DNAI7: variants seen among roughly 807,000 people sequenced by gnomAD.
DNAI7 encodes the protein cancer susceptibility 1.
Under a neutral mutation model 86.6 loss-of-function variants are expected in DNAI7, and 78 were observed. That is an observed-to-expected ratio of 0.90 (90% CI 0.75 to 1.09). The LOEUF (loss-of-function observed/expected upper bound fraction) is 1.09, where lower values mean the gene tolerates loss of function less well. Among genes scored for constraint, DNAI7 ranks in the 50% least tolerant of loss-of-function variants. The probability of loss-of-function intolerance (pLI) is 0.00; values close to 1 mark genes in which losing one functional copy is unlikely to be tolerated. For missense variants in DNAI7, 753 were observed against 810.2 expected (o/e 0.93, Z 0.86); for synonymous variants, 274 against 273.0 (o/e 1.00, Z -0.04).
intron 13 of DNAI7, among the ~76,000 whole-genome samples, chr12:25,113,387 C>T (rs565582005): frequency 2.0e-5 from 3 of 152,180 alleles, no homozygotes; most frequent in East Asian, 1.9e-4. Context: ...CTGCAACCTC[C>T]GCCTCCCGGG....
intron 9 of DNAI7, among the ~76,000 whole-genome samples, chr12:25,126,924 C>T (rs759792979): frequency 2.0e-5 from 3 of 152,190 alleles, no homozygotes; most frequent in Non-Finnish European, 2.9e-5. Flanking sequence ...GGAATTCAGA[C>T]TTTCTCAACA....
chr12:25,119,079 TTC>T (rs1333180732), intron 12 of DNAI7, 64 bp downstream of exon 12: 5 of 1,333,414 alleles, frequency 3.7e-6, no homozygotes, highest in Non-Finnish European at 5.1e-6. Context: ...ACACTACACT[TTC>T]TGTTTCAACT....
At position 25,130,260 on chromosome 12, in the gene DNAI7, G is replaced by A. The variant is rs555468628; in HGVS notation, c.1003-6974C>T. The stretch of plus-strand genomic sequence containing the variant: ...CATATATAAAATATTTATATGGGCC[G>A]GGCGCGGTGGCTCACGCCTGTAATC... On this transcript the variant is annotated intron_variant, in intron 9 of 15. Transcript: ENST00000395987. Among the ~76,000 whole-genome samples the A allele has an allele frequency of 3.5e-3, 536 of 152,112 alleles. 4 individuals are homozygous for A. Among genetic ancestry groups the A allele is most frequent in the African/African-American group, 0.012 (482 of 41,494 alleles).
intron 11 of DNAI7, 102 bp downstream of exon 11, chr12:25,121,651 G>A (rs555721246): frequency 2.2e-6 from 2 of 928,046 alleles, no homozygotes; most frequent in Non-Finnish European, 3.2e-6. Flanking sequence ...TTTCCTTTGT[G>A]TTTAATAAGG....
chr12:25,181,105 G>GC (rs1949461572), intron 2 of DNAI7, among the ~76,000 whole-genome samples: 1 of 152,068 alleles, frequency 6.6e-6, no homozygotes, highest in African/African-American at 2.4e-5. Flanking sequence ...ATCGTGCCCG[G>GC]CCTATAATTT....
chr12:25,110,724 T>C (rs778502830), intron 14 of DNAI7, among the ~76,000 whole-genome samples: 16 of 152,240 alleles, frequency 1.1e-4, no homozygotes, highest in Non-Finnish European at 5.9e-5. Context: ...ATGGGTGTCA[T>C]ATGGCCTCAG....
At chr12:25,123,113 T>A in intron 10 of DNAI7, 98 bp downstream of exon 10, 2 of 751,244 alleles carry the variant, frequency 2.7e-6, no homozygotes, top group South Asian at 3.6e-5. Context: ...TTAAATATAT[T>A]TTTGCAATGT....
At chr12:25,187,247 C>A (rs890438645) in intron 2 of DNAI7, among the ~76,000 whole-genome samples, 1 of 152,148 alleles carries the variant, frequency 6.6e-6, no homozygotes, top group East Asian at 1.9e-4. Context: ...TCACCAAGGT[C>A]ATTCTAAACT....
chr12:25,153,810 T>G (rs1400900265), intron 6 of DNAI7, among the ~76,000 whole-genome samples: 2 of 148,936 alleles, frequency 1.3e-5, no homozygotes, highest in African/African-American at 5.2e-5. Flanking sequence ...AATAAATTAG[T>G]TTTTTTTCCC....
intron 2 of DNAI7, among the ~76,000 whole-genome samples, chr12:25,185,465 A>G (rs775857009): frequency 2.0e-5 from 3 of 152,258 alleles, no homozygotes; most frequent in Non-Finnish European, 2.9e-5. Flanking sequence ...AGTATAAAAA[A>G]TGTCTACCAT....
At position 25,144,497 on chromosome 12, in the gene DNAI7, A is replaced by T. The variant is rs1306560045; in HGVS notation, c.870T>A (p.Asp290Glu). The T allele has an allele frequency of 1.2e-6, 2 of 1,614,024 alleles. No homozygotes were observed. The highest frequency in any genetic ancestry group is 2.7e-5 in the African/African-American group (2 of 74,996). Reference protein sequence around the residue: ...TSAVTELVKDDVKNVEKAISK... With the variant: ...TSAVTELVKDEVKNVEKAISK... ...TGATTGCTTTTTCTACATTCTTAAC[A>T]TCATCTTTGACAAGCTCAGTTACTG... Residue 290 changes from aspartate to glutamate, a missense_variant, in exon 9 of 16, where the codon GAT becomes GAA. Asp to Glu is a conservative substitution (Grantham distance 45, BLOSUM62 2). Coordinates refer to ENST00000395987, the MANE Select transcript of DNAI7 (RefSeq NM_018272.5).
chr12:25,155,534 A>C, intron 4 of DNAI7, 122 bp from the exon 5 acceptor site: 1 of 510,348 alleles, frequency 2.0e-6, no homozygotes. Flanking sequence ...TATTAAAATT[A>C]GTTTGAATAT....
Position 25,190,439 on chromosome 12 carries a change from C to T in DNAI7, c.21+175G>A, listed in dbSNP as rs367746170. 3.5e-3 allele frequency among the ~76,000 whole-genome samples: 535 copies of T among 152,138 alleles called. 3 individuals carry two copies. Among genetic ancestry groups the T allele is most frequent in the South Asian group, 0.015 (71 of 4,808 alleles). ...ACTCTCTTATGTCAAATTTGAAATG[C>T]GTCCTACTGTTGTAAAGGATTATTC... On this transcript the variant is annotated intron_variant, in intron 2 of 15. Coordinates refer to ENST00000395987, the MANE Select transcript of DNAI7 (RefSeq NM_018272.5).
At chr12:25,152,734 G>T (rs1159985536) in intron 6 of DNAI7, among the ~76,000 whole-genome samples, 1 of 152,162 alleles carries the variant, frequency 6.6e-6, no homozygotes, top group Non-Finnish European at 1.5e-5. Flanking sequence ...GCAGTTTTGT[G>T]GGACGGGGGT....
intron 3 of DNAI7, among the ~76,000 whole-genome samples, chr12:25,160,217 T>C (rs1445288645): frequency 6.6e-6 from 1 of 152,210 alleles, no homozygotes; most frequent in African/African-American, 2.4e-5. Context: ...CACTTCAAGA[T>C]AGGGTTACCA....
chr12:25,111,347 A>T (rs1343147628), intron 14 of DNAI7, among the ~76,000 whole-genome samples: 2 of 152,218 alleles, frequency 1.3e-5, no homozygotes, highest in African/African-American at 2.4e-5. Context: ...GTACACAGAC[A>T]TGGAGGCTTT....
intron 2 of DNAI7, among the ~76,000 whole-genome samples, chr12:25,166,005 C>T (rs1475255235): frequency 1.3e-5 from 2 of 152,116 alleles, no homozygotes; most frequent in African/African-American, 2.4e-5. Context: ...GCCTCCTTCA[C>T]ATCCTCCCTT....
rs74544243 is a variant in DNAI7, at chr12:25,190,737, C to G, written c.4-106G>C. On this transcript the variant is annotated intron_variant, in intron 1 of 15. Transcript: ENST00000395987. ...AAATTAGAAGAAGCTTGGTAAAGGG[C>G]ATAAGGGAACTCTCTGTACCATCTT... 1.4e-3 allele frequency: 710 copies of G among 515,542 alleles called. 6 individuals are homozygous for G. In the East Asian group the frequency reaches 0.015, roughly 11 times the overall value. 31.9% of individuals were successfully genotyped at this position (515,542 alleles called of 1,614,324 possible).
intron 15 of DNAI7, among the ~76,000 whole-genome samples, 164 bp downstream of exon 15, chr12:25,109,963 C>A (rs1002857229): frequency 2.0e-5 from 3 of 152,168 alleles, no homozygotes; most frequent in Admixed American, 6.5e-5. Flanking sequence ...CAGGAATGAG[C>A]CACCGTGCTT....
Sources: allele counts gnomAD v4.1 joint callset (sites outside exome capture counted in the v4.1 genomes callset), GRCh38; gene constraint gnomAD v4.1.1; transcripts MANE v1.5; gene names NCBI Gene and HGNC (gene_info 2026-07-23, HGNC 2026-07-21).